MID1: variants seen among roughly 807,000 people sequenced by gnomAD.
MID1 encodes the protein midline 1.
A neutral mutation model predicts 40.4 loss-of-function variants in MID1; 7 were observed. The ratio of observed to expected loss-of-function variants is 0.17; its 90% CI spans 0.10 to 0.33. The LOEUF is 0.33. MID1 is among the 10% of genes least tolerant of loss of function. MID1 has a pLI of 1.00. For missense variants in MID1, 367 were observed against 558.5 expected (o/e 0.66, Z 3.46); for synonymous variants, 229 against 221.2 (o/e 1.04, Z -0.31).
intron 1 of MID1, among the ~76,000 whole-genome samples, chrX:10,726,687 C>G (rs1220122870): frequency 8.9e-6 from 1 of 112,412 alleles, no homozygotes; most frequent in African/African-American, 3.2e-5. Context: ...TACCTTTGCC[C>G]TCATTTCCCA....
At chrX:10,617,027 A>T (rs1935850307) in intron 1 of MID1, among the ~76,000 whole-genome samples, 1 of 112,534 alleles carries the variant, frequency 8.9e-6, no homozygotes, top group African/African-American at 3.2e-5. Context: ...AGGAAACCAT[A>T]CAACATACTT....
intron 3 of MID1, among the ~76,000 whole-genome samples, chrX:10,520,480 A>G (rs1252261567): frequency 8.9e-6 from 1 of 112,271 alleles, no homozygotes; most frequent in Non-Finnish European, 1.9e-5. Flanking sequence ...AATCTTTATT[A>G]TTATTTGCTA....
At chrX:10,727,573 TTCTAATA>T (rs1176160892) in intron 1 of MID1, among the ~76,000 whole-genome samples, 1 of 112,080 alleles carries the variant, frequency 8.9e-6, no homozygotes, top group Non-Finnish European at 1.9e-5. Flanking sequence ...AGAATCATCA[TTCTAATA>T]TCCAAAGCAG....
At chrX:10,635,268 A>G in intron 1 of MID1, among the ~76,000 whole-genome samples, 1 of 112,003 alleles carries the variant, frequency 8.9e-6, no homozygotes, top group East Asian at 2.8e-4. Flanking sequence ...ATATAAACCC[A>G]CATGTATCCT....
At chrX:10,814,122 ATTC>A (rs1490380531) in intron 1 of MID1, among the ~76,000 whole-genome samples, 1 of 111,947 alleles carries the variant, frequency 8.9e-6, no homozygotes. Context: ...TGTAAAAACC[ATTC>A]TTAGCTCACA....
intron 1 of MID1, among the ~76,000 whole-genome samples, chrX:10,809,234 T>A (rs1320715137): frequency 8.9e-6 from 1 of 111,773 alleles, no homozygotes; most frequent in Non-Finnish European, 1.9e-5. Context: ...TGAGATACCA[T>A]CTCACACCAG....
At chrX:10,687,432 C>G (rs548895899) in intron 1 of MID1, among the ~76,000 whole-genome samples, 1 of 111,806 alleles carries the variant, frequency 8.9e-6, no homozygotes, top group Non-Finnish European at 1.9e-5. Context: ...GCTTCTTGCA[C>G]GAGAAAAATA....
chrX:10,592,719 T>C (rs994286954), intron 1 of MID1, among the ~76,000 whole-genome samples: 1 of 110,864 alleles, frequency 9.0e-6, no homozygotes, highest in African/African-American at 3.3e-5. Context: ...TTTAAGGTGA[T>C]AACTATGCTA....
chrX:10,714,981 G>C (rs1033025401), intron 1 of MID1, among the ~76,000 whole-genome samples: 1 of 112,498 alleles, frequency 8.9e-6, no homozygotes, highest in Non-Finnish European at 1.9e-5. Flanking sequence ...TTTGTATACT[G>C]TACATATTGC....
chrX:10,642,429 T>C (rs1936209830), intron 1 of MID1, among the ~76,000 whole-genome samples: 1 of 109,632 alleles, frequency 9.1e-6, no homozygotes, highest in Non-Finnish European at 1.9e-5. Flanking sequence ...TCAAAGAGAA[T>C]AAAATACCTA....
chrX:10,582,584 G>A (rs186826815), intron 1 of MID1, among the ~76,000 whole-genome samples: 6 of 111,979 alleles, frequency 5.4e-5, no homozygotes, highest in Non-Finnish European at 9.4e-5. Context: ...GGTAAAAGGA[G>A]CCTGCAAGAA....
At chrX:10,643,073 C>T (rs1936219643) in intron 1 of MID1, among the ~76,000 whole-genome samples, 1 of 111,516 alleles carries the variant, frequency 9.0e-6, no homozygotes, top group Non-Finnish European at 1.9e-5. Flanking sequence ...AGAAGAAAAC[C>T]TAGGCAATAC....
At chrX:10,612,601 A>C (rs1343136988) in intron 1 of MID1, among the ~76,000 whole-genome samples, 1 of 112,608 alleles carries the variant, frequency 8.9e-6, no homozygotes, top group Non-Finnish European at 1.9e-5. Context: ...CACATAAAAG[A>C]AGCACAAAAC....
chrX:10,652,139 T>A (rs1216854040), intron 1 of MID1, among the ~76,000 whole-genome samples: 1 of 112,104 alleles, frequency 8.9e-6, no homozygotes, highest in Non-Finnish European at 1.9e-5. Flanking sequence ...ACTTAGTTTA[T>A]TACTGGAAGT....
intron 3 of MID1, among the ~76,000 whole-genome samples, chrX:10,511,242 T>C (rs1156539482): frequency 1.0e-5 from 1 of 98,114 alleles, no homozygotes; most frequent in Non-Finnish European, 2.0e-5. Context: ...CAAGACTCCA[T>C]CTCAAAAAAA....
At chrX:10,736,172 G>A (rs1030668953) in intron 1 of MID1, among the ~76,000 whole-genome samples, 7 of 110,997 alleles carry the variant, frequency 6.3e-5, no homozygotes, top group Admixed American at 2.9e-4. Flanking sequence ...GTAGAGACGG[G>A]GTTTCACCGT....
At chrX:10,662,824 T>A (rs2042924756) in intron 1 of MID1, among the ~76,000 whole-genome samples, 1 of 110,816 alleles carries the variant, frequency 9.0e-6, no homozygotes, top group Non-Finnish European at 1.9e-5. Flanking sequence ...CAGCTTTGGC[T>A]CAGTCTTACA....
At chrX:10,543,886 A>G (rs1373426877) in intron 2 of MID1, among the ~76,000 whole-genome samples, 1 of 110,141 alleles carries the variant, frequency 9.1e-6, no homozygotes, top group Non-Finnish European at 1.9e-5. Flanking sequence ...TGCACCTGTA[A>G]TCCCAGCTAC....
intron 1 of MID1, among the ~76,000 whole-genome samples, chrX:10,763,268 C>T: frequency 9.1e-6 from 1 of 109,786 alleles, no homozygotes. Context: ...CACCCATCAA[C>T]CCGTCATCTA....
Sources: gnomAD v4.1 joint callset for allele counts (sites outside exome capture counted in the v4.1 genomes callset) on GRCh38, gnomAD v4.1.1 for gene constraint, MANE v1.5 for transcripts, NCBI Gene and HGNC (gene_info 2026-07-23, HGNC 2026-07-21) for gene names.